Variants in CLSTN2 observed in about 807,000 individuals in gnomAD.
CLSTN2 encodes calsyntenin 2.
CLSTN2 carries 48 observed loss-of-function variants against 101.2 expected under a neutral mutation model. The ratio of observed to expected loss-of-function variants is 0.47; its 90% CI spans 0.38 to 0.60. CLSTN2 has a LOEUF of 0.60. Among genes scored for constraint, CLSTN2 ranks in the 20% least tolerant of loss-of-function variants. The pLI is 0.00. For synonymous variants in CLSTN2, 481 were observed against 463.6 expected, an observed-to-expected ratio of 1.04 and a Z score of -0.48; for missense variants, 1,160 against 1,238.2, an observed-to-expected ratio of 0.94 and a Z score of 0.95.
intron 5 of CLSTN2, among the ~76,000 whole-genome samples, chr3:140,426,393 C>T (rs2088565290): frequency 6.6e-6 from 1 of 152,150 alleles, no homozygotes; most frequent in Admixed American, 6.6e-5. Flanking sequence ...TTTTCTGTTC[C>T]TGCATTAGTT....
At chr3:140,433,944 G>A (rs149825736) in intron 5 of CLSTN2, among the ~76,000 whole-genome samples, 71 of 152,254 alleles carry the variant, frequency 4.7e-4, no homozygotes, top group African/African-American at 1.6e-3. Flanking sequence ...TCCTCAGATG[G>A]ATGCTGTGCA....
At chr3:140,157,850 G>A (rs143845324) in intron 1 of CLSTN2, among the ~76,000 whole-genome samples, 1 of 152,114 alleles carries the variant, frequency 6.6e-6, no homozygotes, top group Non-Finnish European at 1.5e-5. Flanking sequence ...ATGCAAGGCT[G>A]GTTCAATATA....
intron 1 of CLSTN2, among the ~76,000 whole-genome samples, chr3:140,146,444 G>A (rs2009781704): frequency 6.6e-6 from 1 of 152,216 alleles, no homozygotes; most frequent in Admixed American, 6.5e-5. Context: ...AGAATGGGAA[G>A]TGAGATGAAA....
intron 2 of CLSTN2, among the ~76,000 whole-genome samples, chr3:140,267,380 T>C (rs1207646294): frequency 6.6e-6 from 1 of 152,186 alleles, no homozygotes; most frequent in Non-Finnish European, 1.5e-5. Flanking sequence ...GCCTCTGTCC[T>C]AGTCTAACAG....
intron 1 of CLSTN2, among the ~76,000 whole-genome samples, chr3:140,139,641 C>T (rs2009666573): frequency 6.6e-6 from 1 of 152,212 alleles, no homozygotes; most frequent in African/African-American, 2.4e-5. Flanking sequence ...GCTTCAGGGG[C>T]AAGCAGAGCT....
chr3:140,236,979 T>C (rs761607166), intron 2 of CLSTN2, among the ~76,000 whole-genome samples: 9 of 152,070 alleles, frequency 5.9e-5, no homozygotes, highest in Non-Finnish European at 1.2e-4. Context: ...ATTATCTGTG[T>C]CACTTCTGGG....
chr3:140,464,369 T>A (rs1380112274), intron 7 of CLSTN2, among the ~76,000 whole-genome samples: 2 of 152,210 alleles, frequency 1.3e-5, no homozygotes. Context: ...TCAAGACTAT[T>A]CTAATTCAAG....
chr3:140,279,653 T>C (rs949370330), intron 2 of CLSTN2, among the ~76,000 whole-genome samples: 8 of 152,196 alleles, frequency 5.3e-5, no homozygotes, highest in Admixed American at 5.2e-4. Flanking sequence ...TCTGCTTAAC[T>C]GTGGTGGATG....
chr3:140,532,155 T>A (rs1030865210), intron 8 of CLSTN2, among the ~76,000 whole-genome samples, 169 bp from the exon 9 acceptor site: 4 of 152,256 alleles, frequency 2.6e-5, no homozygotes, highest in African/African-American at 9.6e-5. Flanking sequence ...TCATGTTTGA[T>A]GACAAGCTTC....
At chr3:140,555,620 C>T (rs1309291349) in intron 10 of CLSTN2, among the ~76,000 whole-genome samples, 1 of 152,196 alleles carries the variant, frequency 6.6e-6, no homozygotes, top group Non-Finnish European at 1.5e-5. Flanking sequence ...TTTCCTGTGC[C>T]ATGAGCATTC....
intron 2 of CLSTN2, among the ~76,000 whole-genome samples, chr3:140,250,331 C>T (rs1236535963): frequency 6.6e-6 from 1 of 152,288 alleles, no homozygotes; most frequent in Middle Eastern, 3.4e-3. Flanking sequence ...ACATCAAGGC[C>T]TTCCAAAGAA....
intron 2 of CLSTN2, among the ~76,000 whole-genome samples, chr3:140,281,696 T>C (rs1329070567): frequency 6.6e-6 from 1 of 151,532 alleles, no homozygotes; most frequent in Non-Finnish European, 1.5e-5. Context: ...AGATGGGAGG[T>C]GGGGAGTGGA....
chr3:140,561,097 T>C (rs1935904515), intron 12 of CLSTN2, among the ~76,000 whole-genome samples: 2 of 152,008 alleles, frequency 1.3e-5, no homozygotes, highest in Non-Finnish European at 2.9e-5. Flanking sequence ...TTTTTAAATT[T>C]CTGTTTTAAT....
chr3:140,302,219 T>C (rs989452205), intron 2 of CLSTN2, among the ~76,000 whole-genome samples: 4 of 152,212 alleles, frequency 2.6e-5, no homozygotes, highest in Non-Finnish European at 5.9e-5. Context: ...ACATAAAGAA[T>C]TCCAGAACCA....
In CLSTN2 at chr3:140,490,113, TATATACACACAC is replaced by T. The variant is rs1559884948; in HGVS notation, c.1344+23384_1344+23395del. ...GTATATATATATATATATATATATA[TATATACACACAC>T]ACACACACACACACACACACACACA... is the stretch of plus-strand genomic sequence containing the variant. On this transcript the variant is annotated intron_variant, in intron 8 of 16. Coordinates refer to ENST00000458420, the MANE Select transcript of CLSTN2 (RefSeq NM_022131.3). Among the ~76,000 whole-genome samples the T allele has an allele frequency of 1.6e-3, 13 of 8,064 alleles. 5 individuals are homozygous for T. In the South Asian group the frequency reaches 0.036, roughly 23 times the overall value. 5.3% of individuals were successfully genotyped at this position (8,064 alleles called of 152,430 possible). A position where few individuals can be genotyped will look rare whatever the true frequency, so the allele number is the denominator to read the frequency against.
intron 1 of CLSTN2, among the ~76,000 whole-genome samples, chr3:140,126,851 C>T (rs1027065856): frequency 6.6e-6 from 1 of 152,104 alleles, no homozygotes; most frequent in Non-Finnish European, 1.5e-5. Flanking sequence ...GAACCATGCC[C>T]ATCATAGTGG....
At position 140,539,830 on chromosome 3, in the gene CLSTN2, C is replaced by T. The variant is rs145570613; in HGVS notation, c.1508-6685C>T. The stretch of plus-strand genomic sequence containing the variant: ...TGTAGAGCTGGACTTGAATGCAGGT[C>T]TATGCCACCAAAGCCCTCGCCCCTA... On this transcript the variant is annotated intron_variant, in intron 9 of 16. Transcript: ENST00000458420. 3.2e-3 allele frequency among the ~76,000 whole-genome samples: 487 copies of T among 152,280 alleles called. 2 individuals carry two copies. The highest frequency in any genetic ancestry group is 5.6e-3 in the Non-Finnish European group (378 of 68,024).
At chr3:140,143,073 A>G (rs2009727941) in intron 1 of CLSTN2, among the ~76,000 whole-genome samples, 1 of 152,170 alleles carries the variant, frequency 6.6e-6, no homozygotes, top group African/African-American at 2.4e-5. Flanking sequence ...GTTGGCTGCT[A>G]TGAATTCCAA....
chr3:139,960,200 C>A (rs868806515), intron 1 of CLSTN2, among the ~76,000 whole-genome samples: 3 of 152,160 alleles, frequency 2.0e-5, no homozygotes, highest in East Asian at 1.9e-4. Flanking sequence ...GTTACCAATG[C>A]GATATCACTG....
Sources: gnomAD v4.1 joint callset for allele counts (sites outside exome capture counted in the v4.1 genomes callset) on GRCh38, gnomAD v4.1.1 for gene constraint, MANE v1.5 for transcripts, NCBI Gene and HGNC (gene_info 2026-07-23, HGNC 2026-07-21) for gene names.